SLC9B1: variants seen among roughly 807,000 people sequenced by gnomAD.
SLC9B1 encodes the protein solute carrier family 9 member B1, also known as sodium/hydrogen exchanger 9B1.
In SLC9B1, 32 loss-of-function variants were observed where a neutral mutation model predicts 51.7. That is an observed-to-expected ratio of 0.62 (90% CI 0.47 to 0.83). The LOEUF (loss-of-function observed/expected upper bound fraction) is 0.83. Among genes scored for constraint, SLC9B1 ranks in the 40% least tolerant of loss-of-function variants. The probability of loss-of-function intolerance (pLI) is 0.00; values close to 1 mark genes in which losing one functional copy is unlikely to be tolerated. For synonymous variants in SLC9B1, 145 were observed against 212.7 expected, an observed-to-expected ratio of 0.68 and a Z score of 2.77; for missense variants, 406 against 613.2, an observed-to-expected ratio of 0.66 and a Z score of 3.57.
chr4:102,981,195 T>C (rs1444188896), intron 3 of SLC9B1, among the ~76,000 whole-genome samples: 1 of 152,178 alleles, frequency 6.6e-6, no homozygotes, highest in African/African-American at 2.4e-5. Flanking sequence ...TTTTCAGTAT[T>C]GAATAATATT....
At chr4:102,925,960 AT>A (rs1736147227) in intron 7 of SLC9B1, among the ~76,000 whole-genome samples, 1 of 148,882 alleles carries the variant, frequency 6.7e-6, no homozygotes, top group South Asian at 2.2e-4. Flanking sequence ...CTCAATAAAC[AT>A]AATCCATTAC....
chr4:103,008,830 C>T (rs1425130083), intron 1 of SLC9B1, among the ~76,000 whole-genome samples: 1 of 127,876 alleles, frequency 7.8e-6, no homozygotes, highest in Non-Finnish European at 1.6e-5. Flanking sequence ...GACGGAGTCT[C>T]GCTCTGTAGC....
chr4:102,958,407 G>A (rs541066820), intron 3 of SLC9B1, among the ~76,000 whole-genome samples: 1 of 152,292 alleles, frequency 6.6e-6, no homozygotes, highest in East Asian at 1.9e-4. Flanking sequence ...AGAACTGTGA[G>A]GCAATTAAAC....
intron 3 of SLC9B1, among the ~76,000 whole-genome samples, chr4:102,985,550 T>C (rs1578401610): frequency 6.9e-6 from 1 of 145,056 alleles, no homozygotes; most frequent in African/African-American, 2.6e-5. Flanking sequence ...TTTTTTTTTT[T>C]CTTCCTTCTT....
intron 2 of SLC9B1, among the ~76,000 whole-genome samples, chr4:102,990,164 C>A (rs948425788): frequency 6.6e-6 from 1 of 151,934 alleles, no homozygotes; most frequent in African/African-American, 2.4e-5. Context: ...ACTTGGGTCC[C>A]CACTATTTTC....
chr4:102,892,529 A>G (rs1197058815), intron 11 of SLC9B1: 6 of 152,250 alleles, frequency 3.9e-5, no homozygotes, highest in Admixed American at 3.9e-4. Flanking sequence ...TTTTTCAACC[A>G]GAGATGACAT....
intron 6 of SLC9B1, among the ~76,000 whole-genome samples, chr4:102,938,271 CAAAG>C (rs761144151): frequency 1.6e-4 from 24 of 152,090 alleles, no homozygotes; most frequent in Middle Eastern, 3.2e-3. Context: ...ATCAAAAAGA[CAAAG>C]AAGGGCACTA....
chr4:102,959,026 C>T (rs1737947507), intron 3 of SLC9B1, among the ~76,000 whole-genome samples: 1 of 151,870 alleles, frequency 6.6e-6, no homozygotes, highest in Admixed American at 6.6e-5. Context: ...AAAGACATGA[C>T]ACATAGAAAA....
intron 11 of SLC9B1, chr4:102,888,751 G>A (rs1373998568): frequency 1.3e-5 from 2 of 152,254 alleles, no homozygotes; most frequent in African/African-American, 4.8e-5. Flanking sequence ...GGCCAGGCTG[G>A]GCAACCTAGT....
chr4:102,985,639 T>A (rs1487120017), intron 3 of SLC9B1, among the ~76,000 whole-genome samples: 1 of 152,052 alleles, frequency 6.6e-6, no homozygotes, highest in Non-Finnish European at 1.5e-5. Context: ...TTCTCCTGCC[T>A]CAGCATCTTG....
chr4:102,922,746 T>C (rs189977906), intron 7 of SLC9B1, among the ~76,000 whole-genome samples: 1 of 152,232 alleles, frequency 6.6e-6, no homozygotes, highest in Non-Finnish European at 1.5e-5. Flanking sequence ...CCCATGGAAA[T>C]ACAAACTACC....
At chr4:102,989,553 C>T (rs982545033) in intron 3 of SLC9B1, among the ~76,000 whole-genome samples, 4 of 151,706 alleles carry the variant, frequency 2.6e-5, no homozygotes, top group African/African-American at 9.7e-5. Flanking sequence ...TTTCTAATCC[C>T]AAAAATTTAA....
intron 7 of SLC9B1, among the ~76,000 whole-genome samples, chr4:102,926,607 C>G (rs890454290): frequency 3.3e-5 from 5 of 152,058 alleles, no homozygotes; most frequent in Non-Finnish European, 7.4e-5. Flanking sequence ...AGGACACAAA[C>G]AAATTGAAGA....
At chr4:102,912,446 A>G (rs963680210) in intron 7 of SLC9B1, among the ~76,000 whole-genome samples, 4 of 152,188 alleles carry the variant, frequency 2.6e-5, no homozygotes, top group African/African-American at 9.6e-5. Context: ...ATTAATATTA[A>G]TATATCCATA....
At chr4:102,968,897 G>A (rs1234556418) in intron 3 of SLC9B1, among the ~76,000 whole-genome samples, 7 of 152,274 alleles carry the variant, frequency 4.6e-5, no homozygotes, top group East Asian at 3.9e-4. Flanking sequence ...TGCCTGGCTC[G>A]GTGGGTCCCA....
chr4:102,902,013 A>G (rs1734813480), intron 11 of SLC9B1, among the ~76,000 whole-genome samples: 1 of 152,192 alleles, frequency 6.6e-6, no homozygotes, highest in Non-Finnish European at 1.5e-5. Flanking sequence ...TTCAGATAGT[A>G]GTAAGTTTCT....
At chr4:102,941,219 A>G (rs1208346756) in intron 6 of SLC9B1, among the ~76,000 whole-genome samples, 1 of 152,174 alleles carries the variant, frequency 6.6e-6, no homozygotes, top group African/African-American at 2.4e-5. Context: ...CACCTATGGA[A>G]TGGGAGAAAA....
At chr4:102,932,032 A>C in intron 7 of SLC9B1, 92 bp downstream of exon 7, 1 of 1,193,148 alleles carries the variant, frequency 8.4e-7, no homozygotes, top group Non-Finnish European at 1.2e-6. Flanking sequence ...AGTCTTGGTT[A>C]ATAAATGAAG....
intron 7 of SLC9B1, among the ~76,000 whole-genome samples, chr4:102,924,079 A>C (rs573949726): frequency 6.6e-6 from 1 of 152,360 alleles, no homozygotes; most frequent in African/African-American, 2.4e-5. Context: ...ATGGAACCAA[A>C]AAAGAACCTG....
Sources: gnomAD v4.1 joint callset for allele counts (sites outside exome capture counted in the v4.1 genomes callset) on GRCh38, gnomAD v4.1.1 for gene constraint, MANE v1.5 for transcripts, NCBI Gene and HGNC (gene_info 2026-07-23, HGNC 2026-07-21) for gene names.